Variants in DDX54 observed in about 807,000 individuals in gnomAD.
The protein encoded by DDX54 is ATP-dependent RNA helicase DDX54.
A neutral mutation model predicts 105.5 loss-of-function variants in DDX54; 67 were observed. The observed-to-expected ratio is 0.64, with a 90% CI of 0.52 to 0.78. The LOEUF (loss-of-function observed/expected upper bound fraction) is 0.78, where lower values mean the gene tolerates loss of function less well. Ranked by LOEUF, DDX54 falls within the 30% of genes least tolerant of loss-of-function variation. The pLI is 0.00. For missense variants in DDX54, 1,206 were observed against 1,230.5 expected (o/e 0.98, Z 0.30); for synonymous variants, 514 against 509.9 (o/e 1.01, Z -0.11).
rs528426556 is a variant in DDX54, at chr12:113,164,151, T to G, written c.1854A>C (p.Pro618=). 2 of 1,554,330 alleles carry G rather than the reference T, an allele frequency of 1.3e-6. No homozygotes were observed. The highest frequency in any genetic ancestry group is 2.7e-5 in the African/African-American group (2 of 73,592). ...QQGRQEQQEG[P]VGPAPSRPAL... Reference sequence around the variant, plus strand: ...CTGGGCGGCTCGGGGCTGGGCCCACTGGGCCCTCCTGCTGCTCCTGCCGCC... The same window carrying G: ...CTGGGCGGCTCGGGGCTGGGCCCACGGGGCCCTCCTGCTGCTCCTGCCGCC... The change falls in exon 15 of 20, where the codon CCA becomes CCC. Residue 618 remains proline, a synonymous_variant. Transcript: ENST00000306014.
chr12:113,164,667 T>A (rs1566094219), intron 14 of DDX54, among the ~76,000 whole-genome samples: 1 of 151,334 alleles, frequency 6.6e-6, no homozygotes, highest in Admixed American at 6.6e-5. Context: ...TGAGCCGAGA[T>A]TGCACCACTG....
chr12:113,163,205 T>A lies in DDX54; in HGVS notation c.2008A>T (p.Arg670Trp). ...SGPNRGAKRR[R>W]EEARQRDQEF... is the part of the protein sequence containing the mutation. ...TGGTCCCGCTGCCGGGCCTCCTCCCTCCGCCTCTTGGCTCCCCTGTTGGGT... is the reference window on the plus strand; with the variant it reads ...TGGTCCCGCTGCCGGGCCTCCTCCCACCGCCTCTTGGCTCCCCTGTTGGGT... Residue 670 changes from arginine to tryptophan, a missense_variant, in exon 16 of 20, where the codon AGG (arginine) becomes TGG (tryptophan). Around this residue, in one of 3 missense-constraint regions of DDX54, gnomAD observed 961 missense variants for 1,019.1 expected, o/e 0.94. Transcript: ENST00000306014. The surrounding 1 kb of genome is among the most constrained non-coding windows in gnomAD (Gnocchi z 5.9). The A allele has an allele frequency of 6.2e-7, 1 of 1,612,240 alleles. No individual in the cohort carries two copies. The highest frequency in any genetic ancestry group is 8.5e-7 in the Non-Finnish European group (1 of 1,179,986).
intron 17 of DDX54, 61 bp from the exon 18 acceptor site, chr12:113,162,058 GCTTGGGGCCTGTCTCCTCACCCGACC>G: frequency 6.6e-7 from 1 of 1,516,340 alleles, no homozygotes; most frequent in East Asian, 2.3e-5. Context: ...GCCGGCTGCC[GCTTGGGGCCTGTCTCCTCACCCGACC>G]CTCTTGTCAG....
At position 113,163,146 on chromosome 12, in the gene DDX54, A is replaced by C. The variant is rs756572688; in HGVS notation, c.2067T>G (p.Phe689Leu). ...EFYIPYRPKD[F>L]DSERGLSISG... ...CAGCCACTCACCCCCGCTCGCTGTC[A>C]AAGTCCTTGGGCCGGTAGGGGATGT... is the stretch of plus-strand genomic sequence containing the variant. The change falls in exon 16 of 20, where the codon TTT becomes TTG. Residue 689 changes from phenylalanine (F) to leucine (L), a missense_variant. Physicochemically the swap from Phe to Leu is conservative, Grantham distance 22 (BLOSUM62 0). Around this residue, in one of 3 missense-constraint regions of DDX54, gnomAD observed 961 missense variants for 1,019.1 expected, o/e 0.94. Coordinates refer to ENST00000306014, the MANE Select transcript of DDX54 (RefSeq NM_024072.4). This position sits in a 1 kb window ranked among gnomAD's most constrained non-coding sequence, Gnocchi z 5.9. The C allele has an allele frequency of 5.6e-6, 9 of 1,613,052 alleles. No homozygotes were observed. The Admixed American group carries it at 1.5e-4, about 27-fold the overall frequency.
intron 10 of DDX54, among the ~76,000 whole-genome samples, chr12:113,174,101 C>A (rs1593004974): frequency 6.6e-6 from 1 of 151,790 alleles, no homozygotes; most frequent in South Asian, 2.1e-4. Context: ...ATCACTTGAA[C>A]CTGGGAGGTG....
intron 18 of DDX54, 34 bp downstream of exon 18, chr12:113,161,859 C>T: frequency 7.2e-7 from 1 of 1,386,454 alleles, no homozygotes. Context: ...AGCTCCTCGG[C>T]CCCGCCCCTC....
At position 113,175,171 on chromosome 12, in the gene DDX54, G is replaced by A. The variant is rs770648177; in HGVS notation, c.753-14C>T. On this transcript the variant is annotated splice_polypyrimidine_tract_variant and intron_variant, in intron 7 of 19. Coordinates refer to ENST00000306014, the MANE Select transcript of DDX54 (RefSeq NM_024072.4). ...ATTTCAAAAAGCCTGGAAGGGTAGAGGGCAGGACTGGGTCAGAGGGGGCCT... is the reference window on the plus strand; with the variant it reads ...ATTTCAAAAAGCCTGGAAGGGTAGAAGGCAGGACTGGGTCAGAGGGGGCCT... The A allele has an allele frequency of 5.0e-6, 8 of 1,590,822 alleles. No homozygotes were observed. In the South Asian group the frequency reaches 5.7e-5, roughly 11 times the overall value.
At position 113,169,924 on chromosome 12, in the gene DDX54, A is replaced by G; in HGVS notation, c.1280-20T>C. On this transcript the variant is annotated intron_variant, in intron 11 of 19. Coordinates refer to ENST00000306014, the MANE Select transcript of DDX54 (RefSeq NM_024072.4). ...CACGGCCTGCAGCAAGGAGACGTTC[A>G]AGCTTAATTAAGCAAAGAAGGACCC... The G allele has an allele frequency of 6.2e-7, 1 of 1,613,420 alleles. No individual in the cohort carries two copies. The highest frequency in any genetic ancestry group is 8.5e-7 in the Non-Finnish European group (1 of 1,179,676).
At chr12:113,160,725 C>G (rs1191488710) in intron 19 of DDX54, among the ~76,000 whole-genome samples, 1 of 152,242 alleles carries the variant, frequency 6.6e-6, no homozygotes, top group African/African-American at 2.4e-5. Flanking sequence ...AGAACCAAAG[C>G]TGCTTCTGAC....
chr12:113,157,595 C>A lies in DDX54; in HGVS notation c.*1282G>T. 1.3e-6 allele frequency: 2 copies of A among 1,551,572 alleles called. No individual in the cohort carries two copies. The highest frequency in any genetic ancestry group is 1.4e-5 in the African/African-American group (1 of 73,186). On this transcript the variant is annotated 3_prime_UTR_variant, in exon 20 of 20. Transcript: ENST00000306014. ...CTGGGATGTGACTTCGTGCTGGGCC[C>A]CCCCAGGTGAAGCTGTTCATGCAGG...
intron 19 of DDX54, chr12:113,159,359 C>A (rs933705816): frequency 2.0e-6 from 1 of 496,530 alleles, no homozygotes; most frequent in Admixed American, 3.9e-5. Flanking sequence ...AAGAAGTTAA[C>A]GGCTCTGTGC....
chr12:113,165,386 T>C (rs753561044), intron 14 of DDX54, among the ~76,000 whole-genome samples: 11 of 152,188 alleles, frequency 7.2e-5, no homozygotes, highest in Non-Finnish European at 1.6e-4. Context: ...GGCTGCCCCA[T>C]AGGACCTGCT....
rs769100374 is a variant in DDX54, at chr12:113,164,198, G to A, written c.1807C>T (p.Arg603Cys). Residue 603 changes from arginine to cysteine, a missense_variant, in exon 15 of 20, where the codon CGC (arginine) becomes TGC (cysteine). Physicochemically the swap from Arg to Cys is radical, Grantham distance 180 (BLOSUM62 -3). Coordinates refer to ENST00000306014, the MANE Select transcript of DDX54 (RefSeq NM_024072.4). ...KRQKDRKAIA[R>C]FQQGQQGRQE... ...CGCCCCTGCTGTCCCTGCTGGAAGC[G>A]GGCGATGGCCTTGCGGTCCTTCTGC... The A allele has an allele frequency of 2.4e-5, 38 of 1,575,992 alleles. No individual in the cohort carries two copies. The highest frequency in any genetic ancestry group is 1.7e-4 in the Middle Eastern group (1 of 6,024).
intron 10 of DDX54, among the ~76,000 whole-genome samples, chr12:113,173,949 G>C (rs1566098010): frequency 6.6e-6 from 1 of 152,174 alleles, no homozygotes. Context: ...TTAGGAGGCT[G>C]AGACGGGCAG....
intron 5 of DDX54, 94 bp downstream of exon 5, chr12:113,178,876 TATTATTA>T (rs956122365): frequency 7.0e-7 from 1 of 1,434,586 alleles, no homozygotes; most frequent in African/African-American, 1.4e-5. Context: ...CAGAAGCTGC[TATTATTA>T]ATAAGCAACA....
chr12:113,183,840 G>A (rs1738134561), intron 1 of DDX54: 1 of 150,978 alleles, frequency 6.6e-6, no homozygotes, highest in African/African-American at 2.4e-5. Flanking sequence ...ATGATGGAGT[G>A]CAGTTGTGTA....
Position 113,166,024 on chromosome 12 carries a change from C to T in DDX54, c.1423G>A (p.Gly475Ser), listed in dbSNP as rs369990848. The change falls in exon 13 of 20, where the codon GGT (glycine) becomes AGT (serine). Residue 475 changes from glycine (G) to serine (S), a missense_variant. Coordinates refer to ENST00000306014, the MANE Select transcript of DDX54 (RefSeq NM_024072.4). ...ACCCGACCCAGCATGCCATCCACACCGGCCACACCTGCACCCCACACAGCA... is the reference window on the plus strand; with the variant it reads ...ACCCGACCCAGCATGCCATCCACACTGGCCACACCTGCACCCCACACAGCA... ...RPLKEPSGVA[G>S]VDGMLGRVPQ... 5.6e-6 allele frequency: 9 copies of T among 1,605,302 alleles called. No homozygotes were observed. The highest frequency in any genetic ancestry group is 2.2e-5 in the East Asian group (1 of 44,874).
intron 3 of DDX54, 59 bp downstream of exon 3, chr12:113,179,876 G>A (rs773855555): frequency 3.0e-5 from 47 of 1,589,432 alleles, no homozygotes; most frequent in Non-Finnish European, 3.7e-5. Context: ...CAAGGGGCCA[G>A]AGAGGAGGGC....
chr12:113,169,348 C>T (rs945222691), intron 12 of DDX54, among the ~76,000 whole-genome samples: 5 of 151,956 alleles, frequency 3.3e-5, no homozygotes, highest in East Asian at 1.9e-4. Context: ...ATCAGCCGGG[C>T]GCAGTGACTC....
Sources: allele counts gnomAD v4.1 joint callset (sites outside exome capture counted in the v4.1 genomes callset), GRCh38; gene constraint gnomAD v4.1.1; regional missense constraint gnomAD v4.1.1; non-coding constraint Gnocchi (gnomAD v3.1); transcripts MANE v1.5; gene names NCBI Gene and HGNC (gene_info 2026-07-23, HGNC 2026-07-21).